Variants in ARPP21 observed in about 807,000 individuals in gnomAD.
ARPP21 encodes the protein cAMP-regulated phosphoprotein 21.
In ARPP21, 69 loss-of-function variants were observed where a neutral mutation model predicts 113.2. The observed-to-expected ratio is 0.61, with a 90% confidence interval of 0.50 to 0.74. The LOEUF (loss-of-function observed/expected upper bound fraction) is 0.74, where lower values mean the gene tolerates loss of function less well. Among genes scored for constraint, ARPP21 ranks in the 30% least tolerant of loss-of-function variants. ARPP21 has a pLI of 0.00. For synonymous variants in ARPP21, 368 were observed against 375.5 expected (o/e 0.98, Z 0.23); for missense variants, 1,070 against 1,037.4 (o/e 1.03, Z -0.43).
At chr3:35,748,067 G>A (rs201376915) in intron 19 of ARPP21, among the ~76,000 whole-genome samples, 15 of 86,944 alleles carry the variant, frequency 1.7e-4, no homozygotes, top group East Asian at 9.6e-4. Context: ...AAGAAGGAAG[G>A]AAGAAAGAAA....
chr3:35,640,878 G>GTC (rs1292533995), intron 1 of ARPP21: 2 of 152,176 alleles, frequency 1.3e-5, no homozygotes, highest in Non-Finnish European at 2.9e-5. Context: ...ACTCTTTTCT[G>GTC]TCTCAGGTTG....
chr3:35,652,031 A>T (rs956351798), intron 1 of ARPP21: 1 of 152,078 alleles, frequency 6.6e-6, no homozygotes, highest in Non-Finnish European at 1.5e-5. Context: ...GCAGGATTTG[A>T]CCTTTTATAA....
intron 19 of ARPP21, among the ~76,000 whole-genome samples, chr3:35,753,009 T>A (rs186787857): frequency 6.6e-6 from 1 of 151,668 alleles, no homozygotes; most frequent in Non-Finnish European, 1.5e-5. Flanking sequence ...ATGAATAACA[T>A]GTGTACCTAT....
chr3:35,737,159 A>G lies in ARPP21; in HGVS notation c.1460-19A>G, dbSNP rs766483152. On this transcript the variant is annotated intron_variant, in intron 15 of 20. Coordinates refer to ENST00000684406, the MANE Select transcript of ARPP21 (RefSeq NM_001385562.1). ...GAGATTGAGAAGCTTACCTGGACTA[A>G]GTTCTGATTCCATTGCAGGCCAGCC... The G allele has an allele frequency of 2.0e-6, 3 of 1,525,800 alleles. No homozygotes were observed. Among genetic ancestry groups the G allele is most frequent in the Non-Finnish European group, 2.7e-6 (3 of 1,106,362 alleles). 94.5% of individuals were successfully genotyped at this position (1,525,800 alleles called of 1,614,324 possible).
At chr3:35,740,942 TA>T (rs914266346) in intron 18 of ARPP21, among the ~76,000 whole-genome samples, 69 of 146,796 alleles carry the variant, frequency 4.7e-4, no homozygotes, top group Admixed American at 6.1e-4. Flanking sequence ...TGCAAAGAAT[TA>T]AAAAAAAAAA....
chr3:35,699,031 A>G (rs944013735), intron 9 of ARPP21, among the ~76,000 whole-genome samples: 7 of 151,656 alleles, frequency 4.6e-5, no homozygotes, highest in Non-Finnish European at 5.9e-5. Context: ...CCTATAGCAC[A>G]TGTTAATTCT....
intron 9 of ARPP21, among the ~76,000 whole-genome samples, chr3:35,703,121 T>C (rs2087119864): frequency 6.6e-6 from 1 of 151,904 alleles, no homozygotes; most frequent in Non-Finnish European, 1.5e-5. Flanking sequence ...CATTTATGTT[T>C]GGAAAATAAG....
chr3:35,745,854 G>A (rs2095007108), intron 19 of ARPP21, among the ~76,000 whole-genome samples: 1 of 152,114 alleles, frequency 6.6e-6, no homozygotes, highest in Non-Finnish European at 1.5e-5. Flanking sequence ...ACATTCCATG[G>A]CAACCTGGTA....
At chr3:35,706,473 T>C (rs991239960) in intron 9 of ARPP21, among the ~76,000 whole-genome samples, 2 of 152,160 alleles carry the variant, frequency 1.3e-5, no homozygotes, top group African/African-American at 4.8e-5. Context: ...GAGCTTTCGT[T>C]ATTGGAGGAG....
chr3:35,727,291 T>C (rs775199829), intron 14 of ARPP21, among the ~76,000 whole-genome samples: 1 of 152,230 alleles, frequency 6.6e-6, no homozygotes, highest in Non-Finnish European at 1.5e-5. Context: ...TAGATCAGTC[T>C]GCACAGACCA....
intron 9 of ARPP21, 68 bp from the exon 10 acceptor site, chr3:35,706,905 CA>C: frequency 1.7e-6 from 2 of 1,190,194 alleles, no homozygotes; most frequent in South Asian, 2.9e-5. Context: ...GGGGGAAGAA[CA>C]ACACTAAAAA....
intron 9 of ARPP21, among the ~76,000 whole-genome samples, chr3:35,702,275 C>A (rs1385687439): frequency 6.6e-6 from 1 of 151,650 alleles, no homozygotes; most frequent in Non-Finnish European, 1.5e-5. Context: ...AGTCACATAT[C>A]CTACATTACA....
At chr3:35,683,198 A>T (rs1207299824) in intron 4 of ARPP21, among the ~76,000 whole-genome samples, 1 of 151,686 alleles carries the variant, frequency 6.6e-6, no homozygotes, top group African/African-American at 2.4e-5. Flanking sequence ...TTTTGTGTTC[A>T]CACTTAGAGA....
At chr3:35,658,122 G>A (rs1459261184) in intron 1 of ARPP21, among the ~76,000 whole-genome samples, 3 of 152,094 alleles carry the variant, frequency 2.0e-5, no homozygotes, top group Non-Finnish European at 4.4e-5. Context: ...CAGTACCCAT[G>A]ATTATATAGG....
intron 19 of ARPP21, among the ~76,000 whole-genome samples, chr3:35,773,950 C>T (rs961619123): frequency 1.3e-5 from 2 of 152,134 alleles, no homozygotes; most frequent in African/African-American, 2.4e-5. Context: ...ACTGGGGACA[C>T]ATTTTAATCA....
At position 35,667,913 on chromosome 3, in the gene ARPP21, G is replaced by GAGGAA. The variant is rs1252841641; in HGVS notation, c.-212-11874_-212-11873insAGGAA. On this transcript the variant is annotated intron_variant, in intron 1 of 20. Coordinates refer to ENST00000684406, the MANE Select transcript of ARPP21 (RefSeq NM_001385562.1). ...AGAGGAAGAGGAAGAGGAAGAGGAA[G>GAGGAA]GAGGAGGAGGAGGAGGAGGAGAAGG... Among the ~76,000 whole-genome samples, 49 of 46,848 alleles carry GAGGAA rather than the reference G, an allele frequency of 1.0e-3. 4 individuals are homozygous for GAGGAA. Among genetic ancestry groups the GAGGAA allele is most frequent in the East Asian group, 4.7e-3 (4 of 850 alleles). 30.7% of individuals were successfully genotyped at this position (46,848 alleles called of 152,430 possible). A position where few individuals can be genotyped will look rare whatever the true frequency, so the allele number is the denominator to read the frequency against.
intron 10 of ARPP21, among the ~76,000 whole-genome samples, chr3:35,708,013 TATC>T (rs1163769983): frequency 1.3e-5 from 2 of 152,188 alleles, no homozygotes; most frequent in Non-Finnish European, 2.9e-5. Context: ...CATCTCAAGT[TATC>T]ATTTTAATCA....
intron 1 of ARPP21, among the ~76,000 whole-genome samples, chr3:35,671,361 A>T (rs1031477651): frequency 6.6e-6 from 1 of 152,194 alleles, no homozygotes; most frequent in African/African-American, 2.4e-5. Flanking sequence ...GAATTATTTT[A>T]TATTTCAAGT....
chr3:35,729,811 T>A (rs2093817209), intron 15 of ARPP21, among the ~76,000 whole-genome samples: 1 of 152,234 alleles, frequency 6.6e-6, no homozygotes, highest in Non-Finnish European at 1.5e-5. Flanking sequence ...TACTATGGTG[T>A]CTCTCATGCA....
Sources: allele counts gnomAD v4.1 joint callset (sites outside exome capture counted in the v4.1 genomes callset), GRCh38; gene constraint gnomAD v4.1.1; transcripts MANE v1.5; gene names NCBI Gene and HGNC (gene_info 2026-07-23, HGNC 2026-07-21).